Variants in BNIPL observed in about 807,000 individuals in gnomAD.
BNIPL encodes the protein BCL2 interacting protein like, also known as bcl-2/adenovirus E1B 19 kDa-interacting protein 2-like protein.
Under a neutral mutation model 47.0 loss-of-function variants are expected in BNIPL, and 33 were observed. The ratio of observed to expected loss-of-function variants is 0.70; its 90% confidence interval spans 0.53 to 0.94. The LOEUF (loss-of-function observed/expected upper bound fraction) is 0.94, where lower values mean the gene tolerates loss of function less well. Among genes scored for constraint, BNIPL ranks in the 40% least tolerant of loss-of-function variants. The probability of loss-of-function intolerance (pLI) is 0.00; values close to 1 mark genes in which losing one functional copy is unlikely to be tolerated. For synonymous variants in BNIPL, 145 were observed against 162.7 expected (o/e 0.89, Z 0.83); for missense variants, 404 against 445.2 (o/e 0.91, Z 0.83).
At chr1:151,040,752 G>A (rs1473327085) in intron 4 of BNIPL, among the ~76,000 whole-genome samples, 3 of 148,100 alleles carry the variant, frequency 2.0e-5, no homozygotes, top group African/African-American at 5.0e-5. Flanking sequence ...CCGAGATTGC[G>A]TCACTGCACT....
At chr1:151,044,844 T>A (rs1558102881) in intron 7 of BNIPL, 1 of 1,290,394 alleles carries the variant, frequency 7.7e-7, no homozygotes, top group Non-Finnish European at 1.0e-6. Context: ...TTGCCCCCTT[T>A]CCTTTTTTCG....
chr1:151,044,824 A>C (rs1675949002), intron 7 of BNIPL: 1 of 1,284,948 alleles, frequency 7.8e-7, no homozygotes, highest in African/African-American at 1.5e-5. Flanking sequence ...ATTTGCTCAC[A>C]TTTCTCTTCT....
At position 151,039,083 on chromosome 1, in the gene BNIPL, C is replaced by T. The variant is rs141034828; in HGVS notation, c.433+57C>T. The T allele has an allele frequency of 1.7e-4, 260 of 1,493,010 alleles. 1 individual carries two copies. The East Asian group carries it at 5.5e-3, about 31-fold the overall frequency. 92.5% of individuals were successfully genotyped at this position (1,493,010 alleles called of 1,614,324 possible). A position where few individuals can be genotyped will look rare whatever the true frequency, so the allele number is the denominator to read the frequency against. ...GAAGTAGAGGCTAGAGCTAAAGGAT[C>T]AGGATGGACTTAATGGGACTGCAGT... On this transcript the variant is annotated intron_variant, in intron 4 of 9. Coordinates refer to ENST00000368931, the MANE Select transcript of BNIPL (RefSeq NM_138278.4).
intron 7 of BNIPL, among the ~76,000 whole-genome samples, chr1:151,044,722 T>G (rs1397591385): frequency 6.6e-6 from 1 of 151,898 alleles, no homozygotes; most frequent in Non-Finnish European, 1.5e-5. Context: ...CCCAAAGTGC[T>G]GGGATTACAG....
chr1:151,040,835 G>A (rs1675796502), intron 4 of BNIPL, among the ~76,000 whole-genome samples: 1 of 149,874 alleles, frequency 6.7e-6, no homozygotes, highest in Non-Finnish European at 1.5e-5. Flanking sequence ...TCTTTCTATT[G>A]CTATGGAAAG....
Position 151,045,030 on chromosome 1 carries a change from C to T in BNIPL, c.852-767C>T, listed in dbSNP as rs587701632. 6.0e-4 allele frequency: 661 copies of T among 1,101,890 alleles called. 15 individuals carry two copies. In the South Asian group the frequency reaches 8.7e-3, roughly 14 times the overall value. The allele number at this position is 1,101,890 out of a possible 1,614,324, so 68.3% of individuals were successfully genotyped here. A position where few individuals can be genotyped will look rare whatever the true frequency, so the allele number is the denominator to read the frequency against. On this transcript the variant is annotated intron_variant, in intron 7 of 9. Coordinates refer to ENST00000368931, the MANE Select transcript of BNIPL (RefSeq NM_138278.4). Reference sequence around the variant, plus strand: ...CTGTAATCCCAGCACTTTGGAAGGCCGAGGTGGGCGGATCACAAGGTCAGG... The same window carrying T: ...CTGTAATCCCAGCACTTTGGAAGGCTGAGGTGGGCGGATCACAAGGTCAGG...
intron 7 of BNIPL, 58 bp downstream of exon 7, chr1:151,043,785 T>C (rs1403534139): frequency 2.6e-6 from 4 of 1,516,484 alleles, no homozygotes; most frequent in Non-Finnish European, 3.6e-6. Context: ...TCCCCATCTT[T>C]CTATTATTTC....
Position 151,046,771 on chromosome 1 carries a change from T to A in BNIPL, c.*84T>A, listed in dbSNP as rs1676040766. On this transcript the variant is annotated 3_prime_UTR_variant, in exon 10 of 10. Transcript: ENST00000368931. ...TGAAACATCTGAACTGTTTTGTAAA[T>A]CATCTTATCCCCAACCTCAGTACCA... 2 of 1,213,190 alleles carry A rather than the reference T, an allele frequency of 1.6e-6. No individual in the cohort carries two copies. The allele number at this position is 1,213,190 out of a possible 1,614,324, so 75.2% of individuals were successfully genotyped here. A position where few individuals can be genotyped will look rare whatever the true frequency, so the allele number is the denominator to read the frequency against.
At position 151,038,546 on chromosome 1, in the gene BNIPL, C is replaced by A; in HGVS notation, c.180C>A (p.Asp60Glu). The A allele has an allele frequency of 6.2e-7, 1 of 1,613,804 alleles. No homozygotes were observed. The highest frequency in any genetic ancestry group is 8.5e-7 in the Non-Finnish European group (1 of 1,179,754). ...CTGGCACTTCTGAAGATCCTGAAGACCCTAAAGGAGATTCACAGGCAGGTA... is the reference window on the plus strand; with the variant it reads ...CTGGCACTTCTGAAGATCCTGAAGAACCTAAAGGAGATTCACAGGCAGGTA... ...EEAGTSEDPEDPKGDSQAAAG... is the reference protein window; with the variant it reads ...EEAGTSEDPEEPKGDSQAAAG... The change falls in exon 3 of 10, where the codon GAC becomes GAA. Residue 60 changes from aspartate to glutamate, a missense_variant. Transcript: ENST00000368931.
chr1:151,042,616 C>T (rs1253965207), intron 4 of BNIPL, among the ~76,000 whole-genome samples: 5 of 151,966 alleles, frequency 3.3e-5, no homozygotes, highest in Non-Finnish European at 7.4e-5. Flanking sequence ...GAGTTCAAGA[C>T]CAGCCTAGGC....
chr1:151,038,951 G>C lies in BNIPL; in HGVS notation c.358G>C (p.Asp120His). ...SAPSSPDGSS[D>H]LEIDELETPS... ...ACCTTCCTCTCCTGATGGCAGTTCT[G>C]ACCTGGAGATAGACGAATTGGAGAC... Residue 120 changes from aspartate (D) to histidine (H), a missense_variant, in exon 4 of 10, where the codon GAC (aspartate) becomes CAC (histidine). Physicochemically the swap from Asp to His is moderately conservative, Grantham distance 81. Transcript: ENST00000368931. 1 of 1,613,454 alleles carries C rather than the reference G, an allele frequency of 6.2e-7. No homozygotes were observed. Among genetic ancestry groups the C allele is most frequent in the Non-Finnish European group, 8.5e-7 (1 of 1,179,784 alleles).
At position 151,043,768 on chromosome 1, in the gene BNIPL, C is replaced by CT. The variant is rs763519236; in HGVS notation, c.851+48dup. On this transcript the variant is annotated intron_variant, in intron 7 of 9. Coordinates refer to ENST00000368931, the MANE Select transcript of BNIPL (RefSeq NM_138278.4). ...AGAGGGCTACAACTCTCTATCTCAT[C>CT]TTTTTTTCCCCATCTTTCTATTATT... The CT allele has an allele frequency of 2.7e-5, 42 of 1,546,316 alleles. No homozygotes were observed. The South Asian group carries it at 4.4e-4, about 16-fold the overall frequency.
At chr1:151,037,318 G>T in intron 1 of BNIPL, 2 of 1,170,434 alleles carry the variant, frequency 1.7e-6, no homozygotes, top group South Asian at 4.4e-5. Context: ...TTTGTAGGTG[G>T]AGCAACTGCT....
chr1:151,042,634 C>T (rs1340779356), intron 4 of BNIPL, among the ~76,000 whole-genome samples: 1 of 151,808 alleles, frequency 6.6e-6, no homozygotes, highest in Non-Finnish European at 1.5e-5. Context: ...GGCAACACGG[C>T]AAAACCCTGT....
chr1:151,046,565 C>A, intron 9 of BNIPL, 86 bp from the exon 10 acceptor site: 1 of 1,267,826 alleles, frequency 7.9e-7, no homozygotes, highest in South Asian at 1.4e-5. Flanking sequence ...TCTTCCAATT[C>A]ACCTGGCTTC....
intron 4 of BNIPL, among the ~76,000 whole-genome samples, 182 bp downstream of exon 4, chr1:151,039,208 G>C (rs587697634): frequency 6.6e-6 from 1 of 152,272 alleles, no homozygotes; most frequent in East Asian, 1.9e-4. Flanking sequence ...GTCAGTAGAG[G>C]GGGAGGGGAG....
chr1:151,043,316 C>T lies in BNIPL; in HGVS notation c.617-16C>T. 6.4e-7 allele frequency: 1 copy of T among 1,570,498 alleles called. No individual in the cohort carries two copies. The highest frequency in any genetic ancestry group is 8.8e-7 in the Non-Finnish European group (1 of 1,140,468). On this transcript the variant is annotated splice_polypyrimidine_tract_variant and intron_variant, in intron 5 of 9. Coordinates refer to ENST00000368931, the MANE Select transcript of BNIPL (RefSeq NM_138278.4). ...ATATTTGTTGACCAAATGAATTTTC[C>T]CCTTACACTCTCCAGGTTACCACGG...
At chr1:151,039,958 C>T (rs768091755) in intron 4 of BNIPL, among the ~76,000 whole-genome samples, 2 of 152,248 alleles carry the variant, frequency 1.3e-5, no homozygotes, top group East Asian at 1.9e-4. Flanking sequence ...GCCATGTTGG[C>T]CAGGCTGATC....
rs58423611 is a variant in BNIPL at position 151,038,000 on chromosome 1, C to CA, written c.137+367dup. ...GGGCAACAAGAGTGAAACTCTGTCT[C>CA]AAAAAAAAAAAAAAAAAAAAAAAAA... On this transcript the variant is annotated intron_variant, in intron 2 of 9. Transcript: ENST00000368931. Among the ~76,000 whole-genome samples the CA allele has an allele frequency of 3.5e-3, 222 of 63,940 alleles. 7 individuals carry two copies. Among genetic ancestry groups the CA allele is most frequent in the African/African-American group, 5.5e-3 (59 of 10,686 alleles). 41.9% of individuals were successfully genotyped at this position (63,940 alleles called of 152,430 possible). A position where few individuals can be genotyped will look rare whatever the true frequency, so the allele number is the denominator to read the frequency against.
Sources: allele counts gnomAD v4.1 joint callset (sites outside exome capture counted in the v4.1 genomes callset), GRCh38; gene constraint gnomAD v4.1.1; transcripts MANE v1.5; gene names NCBI Gene and HGNC (gene_info 2026-07-23, HGNC 2026-07-21).